The following NUBPL variants were observed in gnomAD, a reference collection of about 807,000 sequenced individuals.
NUBPL encodes iron-sulfur cluster transfer protein NUBPL.
NUBPL carries 31 observed loss-of-function variants against 45.7 expected under a neutral mutation model. That is an observed-to-expected ratio of 0.68 (90% CI 0.51 to 0.92). NUBPL has a LOEUF of 0.92. NUBPL is among the 40% of genes least tolerant of loss of function. The probability of loss-of-function intolerance (pLI) is 0.00; values close to 1 mark genes in which losing one functional copy is unlikely to be tolerated. For missense variants in NUBPL, 401 were observed against 398.7 expected, an observed-to-expected ratio of 1.01 and a Z score of -0.05; for synonymous variants, 144 against 140.9, an observed-to-expected ratio of 1.02 and a Z score of -0.15.
intron 4 of NUBPL, among the ~76,000 whole-genome samples, chr14:31,602,002 A>G (rs2034447126): frequency 6.6e-6 from 1 of 152,232 alleles, no homozygotes; most frequent in Non-Finnish European, 1.5e-5. Context: ...ATGTCCAACA[A>G]TGATAGACTG....
At chr14:31,851,971 T>C (rs1378113905) in intron 10 of NUBPL, among the ~76,000 whole-genome samples, 1 of 152,204 alleles carries the variant, frequency 6.6e-6, no homozygotes, top group Non-Finnish European at 1.5e-5. Context: ...ACAGAGAACA[T>C]ATAGCCACCA....
chr14:31,804,265 T>C (rs2039644300), intron 7 of NUBPL, among the ~76,000 whole-genome samples: 1 of 152,202 alleles, frequency 6.6e-6, no homozygotes, highest in Non-Finnish European at 1.5e-5. Flanking sequence ...AGAATATTTA[T>C]ATTGTAGATA....
rs557488510 is a variant in NUBPL, at chr14:31,729,284, C to A, written c.513+55710C>A. Among the ~76,000 whole-genome samples the A allele has an allele frequency of 6.8e-5, 10 of 146,056 alleles. 1 individual carries two copies. The highest frequency in any genetic ancestry group is 3.4e-4 in the Admixed American group (5 of 14,662). On this transcript the variant is annotated intron_variant, in intron 6 of 10. Coordinates refer to ENST00000281081, the MANE Select transcript of NUBPL (RefSeq NM_025152.3). ...ACAGAGAGATGCTCCATCCCCCCCC[C>A]CCCCAAAAAAAAAGTCATTCAACAA... is the stretch of plus-strand genomic sequence containing the variant.
chr14:31,810,377 G>A (rs1437103913), intron 7 of NUBPL, among the ~76,000 whole-genome samples: 4 of 152,006 alleles, frequency 2.6e-5, no homozygotes, highest in Non-Finnish European at 4.4e-5. Flanking sequence ...TGTAATGGCC[G>A]TCTTTGTTTC....
At chr14:31,612,705 A>G (rs1365213626) in intron 4 of NUBPL, among the ~76,000 whole-genome samples, 1 of 152,164 alleles carries the variant, frequency 6.6e-6, no homozygotes, top group Non-Finnish European at 1.5e-5. Context: ...AAGGTGCTCA[A>G]CATTACTGAT....
intron 7 of NUBPL, among the ~76,000 whole-genome samples, chr14:31,798,521 G>C (rs1172302039): frequency 6.6e-6 from 1 of 151,212 alleles, no homozygotes; most frequent in Non-Finnish European, 1.5e-5. Context: ...TGCCAGGTGC[G>C]GTGGCTCACG....
chr14:31,706,015 G>T (rs1237307748), intron 6 of NUBPL, among the ~76,000 whole-genome samples: 1 of 152,174 alleles, frequency 6.6e-6, no homozygotes, highest in African/African-American at 2.4e-5. Flanking sequence ...GTCAGCTCTG[G>T]TCTTGGCCAG....
At chr14:31,799,989 C>T (rs1234671284) in intron 7 of NUBPL, among the ~76,000 whole-genome samples, 2 of 152,208 alleles carry the variant, frequency 1.3e-5, no homozygotes, top group African/African-American at 4.8e-5. Context: ...GTGTAATATT[C>T]TAAATCCTTT....
chr14:31,830,087 C>A (rs2040165783), intron 8 of NUBPL, among the ~76,000 whole-genome samples: 1 of 152,132 alleles, frequency 6.6e-6, no homozygotes, highest in Non-Finnish European at 1.5e-5. Context: ...TCACTATATA[C>A]CCCTTCCTTC....
At chr14:31,769,077 A>G (rs891597543) in intron 6 of NUBPL, among the ~76,000 whole-genome samples, 1 of 152,170 alleles carries the variant, frequency 6.6e-6, no homozygotes, top group South Asian at 2.1e-4. Context: ...GTTGTTAGGA[A>G]TTCTCATTGG....
At chr14:31,676,209 G>A (rs1411963612) in intron 6 of NUBPL, among the ~76,000 whole-genome samples, 6 of 152,016 alleles carry the variant, frequency 3.9e-5, no homozygotes, top group Admixed American at 3.9e-4. Flanking sequence ...TTTTAGTAGG[G>A]ACGGGGTTTC....
chr14:31,830,324 C>T (rs1014989695), intron 8 of NUBPL, among the ~76,000 whole-genome samples: 3 of 152,130 alleles, frequency 2.0e-5, no homozygotes, highest in Admixed American at 2.0e-4. Flanking sequence ...AAGCCTCTTT[C>T]TTCAAGTACT....
intron 7 of NUBPL, among the ~76,000 whole-genome samples, chr14:31,793,438 A>G (rs903799255): frequency 2.0e-5 from 3 of 152,172 alleles, no homozygotes; most frequent in Non-Finnish European, 4.4e-5. Flanking sequence ...ATCACATAGC[A>G]TAATATTTGG....
intron 3 of NUBPL, among the ~76,000 whole-genome samples, chr14:31,591,290 G>A (rs947130605): frequency 5.9e-5 from 9 of 152,072 alleles, no homozygotes; most frequent in African/African-American, 2.2e-4. Flanking sequence ...AGCCTCCCAA[G>A]TAGCTAGGAT....
At chr14:31,726,668 T>TG (rs11439585) in intron 6 of NUBPL, among the ~76,000 whole-genome samples, 151,661 of 152,292 alleles carry the variant, frequency 1, 75,520 homozygotes, top group Middle Eastern at 1. Context: ...ACTAAATGAA[T>TG]AATGAGTTAA....
At chr14:31,612,342 A>G (rs1448272842) in intron 4 of NUBPL, among the ~76,000 whole-genome samples, 1 of 152,242 alleles carries the variant, frequency 6.6e-6, no homozygotes, top group Non-Finnish European at 1.5e-5. Flanking sequence ...TCAAAAGAAG[A>G]CATGCAAATA....
chr14:31,685,470 A>G (rs1028027553), intron 6 of NUBPL, among the ~76,000 whole-genome samples: 5 of 152,056 alleles, frequency 3.3e-5, no homozygotes, highest in African/African-American at 1.2e-4. Context: ...GGAAAATAGG[A>G]TGGTAGCTTA....
At chr14:31,690,140 G>C (rs1261928382) in intron 6 of NUBPL, among the ~76,000 whole-genome samples, 1 of 151,952 alleles carries the variant, frequency 6.6e-6, no homozygotes, top group Non-Finnish European at 1.5e-5. Context: ...AGAGAAGTGA[G>C]CACCAGGATT....
intron 6 of NUBPL, among the ~76,000 whole-genome samples, chr14:31,676,406 G>A (rs2139819591): frequency 6.6e-6 from 1 of 151,970 alleles, no homozygotes; most frequent in African/African-American, 2.4e-5. Context: ...ATAGTAGTTG[G>A]GTCTTCTTTA....
Sources: allele counts gnomAD v4.1 joint callset (sites outside exome capture counted in the v4.1 genomes callset), GRCh38; gene constraint gnomAD v4.1.1; transcripts MANE v1.5; gene names NCBI Gene and HGNC (gene_info 2026-07-23, HGNC 2026-07-21).